PLEKHG7: variants seen among roughly 807,000 people sequenced by gnomAD.
PLEKHG7 encodes the protein pleckstrin homology and RhoGEF domain containing G7.
In PLEKHG7, 77 loss-of-function variants were observed where a neutral mutation model predicts 85.2. The observed-to-expected ratio is 0.90, with a 90% CI of 0.75 to 1.09. PLEKHG7 has a LOEUF of 1.09. PLEKHG7 is among the 50% of genes least tolerant of loss of function. The pLI is 0.00. For synonymous variants in PLEKHG7, 301 were observed against 302.4 expected (o/e 1.00, Z 0.05); for missense variants, 777 against 804.3 (o/e 0.97, Z 0.41).
At chr12:92,720,062 C>T (rs551936335) in intron 3 of PLEKHG7, among the ~76,000 whole-genome samples, 1 of 152,200 alleles carries the variant, frequency 6.6e-6, no homozygotes, top group African/African-American at 2.4e-5. Context: ...GCCCCATATT[C>T]GTTTCCTGTG....
At chr12:92,738,132 C>T (rs1391712780) in intron 7 of PLEKHG7, among the ~76,000 whole-genome samples, 1 of 152,190 alleles carries the variant, frequency 6.6e-6, no homozygotes, top group African/African-American at 2.4e-5. Flanking sequence ...AGGGGGCTAC[C>T]ACCCACATGC....
intron 3 of PLEKHG7, chr12:92,721,396 G>A: frequency 8.6e-7 from 1 of 1,164,416 alleles, no homozygotes; most frequent in Non-Finnish European, 1.1e-6. Context: ...CCACACCATG[G>A]ACCTTCAGAT....
chr12:92,761,857 G>A (rs376882667), intron 14 of PLEKHG7, 26 bp downstream of exon 14: 13 of 1,536,822 alleles, frequency 8.5e-6, no homozygotes, highest in East Asian at 5.0e-5. Flanking sequence ...TTCAAAGTAC[G>A]TTTCTAAACA....
chr12:92,703,177 A>C (rs1366307571), intron 1 of PLEKHG7, 45 bp downstream of exon 1: 2 of 152,314 alleles, frequency 1.3e-5, no homozygotes, highest in Non-Finnish European at 2.9e-5. Flanking sequence ...TCTCTCTTGC[A>C]CTTTCCTTTT....
chr12:92,737,467 A>T lies in PLEKHG7; in HGVS notation c.885A>T (p.Glu295Asp). ...DLKKQQEAVW[E>D]LFTSECTYFL... ...AAAAGCAGCAAGAGGCCGTGTGGGA[A>T]CTTTTCACAAGTGAATGCACCTATT... is the stretch of plus-strand genomic sequence containing the variant. The change falls in exon 7 of 17, where the codon GAA (glutamate) becomes GAT (aspartate). Residue 295 changes from glutamate (E) to aspartate (D), a missense_variant. By Grantham distance (45) the Glu-to-Asp change is conservative. Transcript: ENST00000344636. 6.3e-7 allele frequency: 1 copy of T among 1,595,158 alleles called. No homozygotes were observed. The highest frequency in any genetic ancestry group is 8.5e-7 in the Non-Finnish European group (1 of 1,175,542).
intron 1 of PLEKHG7, among the ~76,000 whole-genome samples, chr12:92,705,882 T>A (rs931122601): frequency 6.6e-6 from 1 of 152,120 alleles, no homozygotes; most frequent in Admixed American, 6.5e-5. Context: ...CCTCCAATCA[T>A]GAACAGTAGG....
chr12:92,706,117 G>A (rs188275218), intron 1 of PLEKHG7, among the ~76,000 whole-genome samples: 1,903 of 152,324 alleles, frequency 0.012, 16 homozygotes, highest in Non-Finnish European at 0.021. Flanking sequence ...CATAAATGTA[G>A]ATGATAAGGA....
intron 10 of PLEKHG7, among the ~76,000 whole-genome samples, chr12:92,750,620 A>G (rs997301769): frequency 6.6e-6 from 1 of 152,122 alleles, no homozygotes; most frequent in African/African-American, 2.4e-5. Flanking sequence ...TGCTGCTGAG[A>G]AATCAGTTAC....
At position 92,756,703 on chromosome 12, in the gene PLEKHG7, T is replaced by C. The variant is rs148388235; in HGVS notation, c.1636+312T>C. Among the ~76,000 whole-genome samples, 4 of 152,342 alleles carry C rather than the reference T, an allele frequency of 2.6e-5. No homozygotes were observed. The East Asian group carries it at 7.7e-4, about 29-fold the overall frequency. On this transcript the variant is annotated intron_variant, in intron 13 of 16. Coordinates refer to ENST00000344636, the MANE Select transcript of PLEKHG7 (RefSeq NM_001377329.1). ...CTAGTAAATAGTCAATGGCAGCTGT[T>C]ATCATCATAATCGTTGTACTCCCCC...
chr12:92,761,639 A>AAAGGAAGAAAGG, intron 13 of PLEKHG7, 113 bp from the exon 14 acceptor site: 1 of 497,858 alleles, frequency 2.0e-6, no homozygotes, highest in Non-Finnish European at 2.8e-6. Flanking sequence ...AGAAAGAAAG[A>AAAGGAAGAAAGG]AAGAAAGAAA....
chr12:92,743,804 C>A (rs1014772735), intron 9 of PLEKHG7, among the ~76,000 whole-genome samples: 2 of 152,150 alleles, frequency 1.3e-5, no homozygotes, highest in Non-Finnish European at 2.9e-5. Context: ...AGGTGATCCA[C>A]CTGCCTCGGT....
At chr12:92,744,729 G>A (rs143346541) in intron 9 of PLEKHG7, among the ~76,000 whole-genome samples, 2,034 of 151,106 alleles carry the variant, frequency 0.013, 22 homozygotes, top group Middle Eastern at 0.034. Flanking sequence ...GCAATGGCGC[G>A]ATCTCAGCTC....
At chr12:92,761,705 A>T (rs1017106770) in intron 13 of PLEKHG7, 47 bp from the exon 14 acceptor site, 1 of 1,508,592 alleles carries the variant, frequency 6.6e-7, no homozygotes, top group East Asian at 2.7e-5. Context: ...AAACTCTTCT[A>T]CTTAACAGTT....
rs149080281 is a variant in PLEKHG7, at chr12:92,710,782, C to T, written c.530+3110C>T. Among the ~76,000 whole-genome samples the T allele has an allele frequency of 1.7e-3, 257 of 152,308 alleles. 1 individual carries two copies. The highest frequency in any genetic ancestry group is 0.014 in the South Asian group (69 of 4,818). On this transcript the variant is annotated intron_variant, in intron 3 of 16. Transcript: ENST00000344636. ...AGCTTATGAGTAACCTCCATCCCTACCACCATGGCTACTTTGTTCATGGGC... is the reference window on the plus strand; with the variant it reads ...AGCTTATGAGTAACCTCCATCCCTATCACCATGGCTACTTTGTTCATGGGC...
chr12:92,706,436 C>A, intron 1 of PLEKHG7, 35 bp from the exon 2 acceptor site: 1 of 593,910 alleles, frequency 1.7e-6, no homozygotes, highest in Non-Finnish European at 2.7e-6. Flanking sequence ...CCCTCATTTG[C>A]TACATATTTC....
intron 13 of PLEKHG7, among the ~76,000 whole-genome samples, chr12:92,759,123 T>A (rs1185530184): frequency 1.3e-5 from 2 of 152,196 alleles, no homozygotes; most frequent in South Asian, 4.1e-4. Flanking sequence ...ACTGTACTCT[T>A]ATAATCAAAT....
At chr12:92,725,915 C>T (rs1165722978) in intron 3 of PLEKHG7, among the ~76,000 whole-genome samples, 5 of 152,152 alleles carry the variant, frequency 3.3e-5, no homozygotes, top group Admixed American at 1.3e-4. Context: ...GGTGAAAATA[C>T]AGATACAGAA....
At chr12:92,723,956 C>A (rs888153864) in intron 3 of PLEKHG7, among the ~76,000 whole-genome samples, 1 of 152,146 alleles carries the variant, frequency 6.6e-6, no homozygotes, top group African/African-American at 2.4e-5. Flanking sequence ...CACAATAGTC[C>A]ATTTTTTTCC....
intron 3 of PLEKHG7, chr12:92,708,328 A>G (rs1260628060): frequency 6.6e-6 from 1 of 152,454 alleles, no homozygotes; most frequent in Non-Finnish European, 1.5e-5. Context: ...TTTTGGAGAA[A>G]TAGCTGCTGT....
Sources: allele counts gnomAD v4.1 joint callset (sites outside exome capture counted in the v4.1 genomes callset), GRCh38; gene constraint gnomAD v4.1.1; transcripts MANE v1.5; gene names NCBI Gene and HGNC (gene_info 2026-07-23, HGNC 2026-07-21).